PLEKHG3: variants seen among roughly 807,000 people sequenced by gnomAD.
PLEKHG3 encodes pleckstrin homology domain-containing family G member 3.
PLEKHG3 carries 62 observed loss-of-function variants against 94.9 expected under a neutral mutation model. The ratio of observed to expected loss-of-function variants is 0.65; its 90% CI spans 0.53 to 0.81. The LOEUF (loss-of-function observed/expected upper bound fraction) is 0.81. Ranked by LOEUF, PLEKHG3 falls within the 30% of genes least tolerant of loss-of-function variation. The probability of loss-of-function intolerance (pLI) is 0.00; values close to 1 mark genes in which losing one functional copy is unlikely to be tolerated. For missense variants in PLEKHG3, 1,461 were observed against 1,619.3 expected (o/e 0.90, Z 1.68); for synonymous variants, 614 against 654.0 (o/e 0.94, Z 0.93).
At position 64,727,523 on chromosome 14, in the gene PLEKHG3, G is replaced by GC; in HGVS notation, c.-39-69dup. On this transcript the variant is annotated intron_variant, in intron 1 of 16. Coordinates refer to ENST00000247226, the MANE Select transcript of PLEKHG3 (RefSeq NM_001308147.2). The surrounding 1 kb of genome is among the most constrained non-coding windows in gnomAD (Gnocchi z 6.0). ...CCCACCCCACCTGCCCCCACCCCTG[G>GC]CAACCGTCCCTCTGTTCTGTTTCTG... 7 of 587,668 alleles carry GC rather than the reference G, an allele frequency of 1.2e-5. No homozygotes were observed. Among genetic ancestry groups the GC allele is most frequent in the Admixed American group, 3.0e-5 (1 of 33,788 alleles). 36.4% of individuals were successfully genotyped at this position (587,668 alleles called of 1,614,324 possible).
chr14:64,731,230 G>A lies in PLEKHG3; in HGVS notation c.849+61G>A. ...GCTGGGTGGGCCAGGCTTCCGCTGG[G>A]AAGAGGGACTGTGGCCACCCTGCTG... On this transcript the variant is annotated intron_variant, in intron 7 of 16. Transcript: ENST00000247226. This position sits in a 1 kb window ranked among gnomAD's most constrained non-coding sequence, Gnocchi z 6.1. The A allele has an allele frequency of 5.2e-6, 8 of 1,525,032 alleles. No homozygotes were observed. Among genetic ancestry groups the A allele is most frequent in the Non-Finnish European group, 6.3e-6 (7 of 1,110,448 alleles). 94.5% of individuals were successfully genotyped at this position (1,525,032 alleles called of 1,614,324 possible).
rs990434436 is a variant in PLEKHG3 at position 64,733,027 on chromosome 14, G to T, written c.1345+126G>T. 4.7e-6 allele frequency: 3 copies of T among 635,978 alleles called. No individual in the cohort carries two copies. In the Admixed American group the frequency reaches 8.1e-5, roughly 17 times the overall value. 39.4% of individuals were successfully genotyped at this position (635,978 alleles called of 1,614,324 possible). A position where few individuals can be genotyped will look rare whatever the true frequency, so the allele number is the denominator to read the frequency against. ...CGGAAACCCTGGGAAAGGCTAGAGC[G>T]GGGCTGGACACACACCTGGGGCTCA... On this transcript the variant is annotated intron_variant, in intron 12 of 16. Coordinates refer to ENST00000247226, the MANE Select transcript of PLEKHG3 (RefSeq NM_001308147.2).
In PLEKHG3 at chr14:64,722,735, G is replaced by T. The variant is rs561535863; in HGVS notation, c.-39-4858G>T. ...ACCAGAATGTTTTCTGGGGAGTCTG[G>T]TGTGCCCACCAGAGGGTTCACCCCC... is the stretch of plus-strand genomic sequence containing the variant. On this transcript the variant is annotated intron_variant, in intron 1 of 16. Transcript: ENST00000247226. This position sits in a 1 kb window ranked among gnomAD's most constrained non-coding sequence, Gnocchi z 4.3. Among the ~76,000 whole-genome samples the T allele has an allele frequency of 6.6e-6, 1 of 152,266 alleles. No homozygotes were observed. Among genetic ancestry groups the T allele is most frequent in the African/African-American group, 2.4e-5 (1 of 41,540 alleles).
chr14:64,737,596 C>G (rs1047011831), intron 14 of PLEKHG3, among the ~76,000 whole-genome samples: 1 of 152,248 alleles, frequency 6.6e-6, no homozygotes, highest in South Asian at 2.1e-4. Context: ...CAGCACCCTG[C>G]TGGGGGCCTG....
rs910470085 is a variant in PLEKHG3, at chr14:64,741,473, C to T, written c.1956C>T (p.Ala652=). Residue 652 remains alanine (A), a synonymous_variant, in exon 16 of 17, where the codon GCC becomes GCT. Transcript: ENST00000247226. ...LSLEGSEKGL[A]RHGSATDSLS... is the part of the protein sequence containing the mutation. Reference sequence around the variant, plus strand: ...TGGAGGGCAGCGAGAAGGGCCTGGCCCGGCATGGCAGTGCCACAGACTCCC... The same window carrying T: ...TGGAGGGCAGCGAGAAGGGCCTGGCTCGGCATGGCAGTGCCACAGACTCCC... 3.7e-6 allele frequency: 6 copies of T among 1,612,582 alleles called. No individual in the cohort carries two copies. In the African/African-American group the frequency reaches 6.7e-5, roughly 18 times the overall value.
Position 64,730,727 on chromosome 14 carries a change from G to T in PLEKHG3, c.566+39G>T, listed in dbSNP as rs2081441347. On this transcript the variant is annotated intron_variant, in intron 5 of 16. Coordinates refer to ENST00000247226, the MANE Select transcript of PLEKHG3 (RefSeq NM_001308147.2). The surrounding 1 kb of genome is among the most constrained non-coding windows in gnomAD (Gnocchi z 5.4). ...GTGAGAGGGAAGGCAGAGCCATTTG[G>T]TGAGTCCAGAGCCCCCCACTTCCTC... The T allele has an allele frequency of 6.2e-7, 1 of 1,612,662 alleles. No homozygotes were observed. The highest frequency in any genetic ancestry group is 8.5e-7 in the Non-Finnish European group (1 of 1,178,674).
Position 64,723,265 on chromosome 14 carries a change from C to T in PLEKHG3, c.-39-4328C>T, listed in dbSNP as rs2081295933. ...TTAAAGGTGTATGTCTGAGCTGCTG[C>T]TTAGGCCCATCAAAAAGAAAGCCTG... On this transcript the variant is annotated intron_variant, in intron 1 of 16. Transcript: ENST00000247226. The surrounding 1 kb of genome is among the most constrained non-coding windows in gnomAD (Gnocchi z 4.5). Among the ~76,000 whole-genome samples, 1 of 152,152 alleles carries T rather than the reference C, an allele frequency of 6.6e-6. No individual in the cohort carries two copies. Among genetic ancestry groups the T allele is most frequent in the Admixed American group, 6.5e-5 (1 of 15,288 alleles).
chr14:64,734,044 G>A (rs2081524784), intron 12 of PLEKHG3, among the ~76,000 whole-genome samples: 1 of 152,196 alleles, frequency 6.6e-6, no homozygotes, highest in South Asian at 2.1e-4. Context: ...GTTTTGATTG[G>A]TGATGACCTG....
rs2081883611 is a variant in PLEKHG3 at position 64,748,447 on chromosome 14, GCACCTGTCACT to G, written c.*4746_*4756del. ...GGAGAGCCTTAGGCAGTGTTGTGACGCACCTGTCACTCCTTCAGATCAGAGCCCTGTGCCCT... is the reference window on the plus strand; with the variant it reads ...GGAGAGCCTTAGGCAGTGTTGTGACGCCTTCAGATCAGAGCCCTGTGCCCT... On this transcript the variant is annotated 3_prime_UTR_variant, in exon 17 of 17. Coordinates refer to ENST00000247226, the MANE Select transcript of PLEKHG3 (RefSeq NM_001308147.2). The G allele has an allele frequency of 6.6e-6, 1 of 152,148 alleles. No individual in the cohort carries two copies. The highest frequency in any genetic ancestry group is 1.5e-5 in the Non-Finnish European group (1 of 68,066). 9.4% of individuals were successfully genotyped at this position (152,148 alleles called of 1,614,324 possible).
At chr14:64,707,622 G>T (rs904991191) in intron 1 of PLEKHG3, among the ~76,000 whole-genome samples, 1 of 152,242 alleles carries the variant, frequency 6.6e-6, no homozygotes, top group Admixed American at 6.5e-5. Flanking sequence ...CATGGAAGGG[G>T]TGAGGTGACA....
rs1412836306 is a variant in PLEKHG3, at chr14:64,736,856, C to T, written c.1349C>T (p.Pro450Leu). The T allele has an allele frequency of 2.5e-6, 4 of 1,612,870 alleles. No homozygotes were observed. Among genetic ancestry groups the T allele is most frequent in the Non-Finnish European group, 3.4e-6 (4 of 1,178,960 alleles). The change falls in exon 13 of 17, where the codon CCA becomes CTA. Residue 450 changes from proline to leucine, a missense_variant. By Grantham distance (98) the Pro-to-Leu change is moderately conservative. Around this residue, in one of 3 missense-constraint regions of PLEKHG3, gnomAD observed 1,201 missense variants for 1,295.5 expected, o/e 0.93. Coordinates refer to ENST00000247226, the MANE Select transcript of PLEKHG3 (RefSeq NM_001308147.2). Reference protein sequence around the residue: ...NVRQGRRQSEPTKHLLRQLNE... With the variant: ...NVRQGRRQSELTKHLLRQLNE... ...CTGCTCATGCTTTCCTCCTCAGAGC[C>T]AACCAAACACCTGCTCAGGCAACTC...
Position 64,741,896 on chromosome 14 carries a change from C to G in PLEKHG3, c.2379C>G (p.Ser793Arg). 6.2e-7 allele frequency: 1 copy of G among 1,604,894 alleles called. No individual in the cohort carries two copies. The highest frequency in any genetic ancestry group is 1.1e-5 in the South Asian group (1 of 89,792). The change falls in exon 16 of 17, where the codon AGC becomes AGG. Residue 793 changes from serine (S) to arginine (R), a missense_variant. Around this residue, in one of 3 missense-constraint regions of PLEKHG3, gnomAD observed 1,201 missense variants for 1,295.5 expected, o/e 0.93. Transcript: ENST00000247226. The stretch of plus-strand genomic sequence containing the variant: ...CCCTGTTTGAGCTCCCAGGACCAAG[C>G]CAGGCAGTCAAAGGGGACCCACCTC... ...SWALFELPGPSQAVKGDPPPI... is the reference protein window; with the variant it reads ...SWALFELPGPRQAVKGDPPPI...
In PLEKHG3 at chr14:64,741,192, G is replaced by A. The variant is rs1244039330; in HGVS notation, c.1675G>A (p.Asp559Asn). ...QGLLGMDPPG[D>N]MVDFVAAEST... ...CCTTCTGGGGATGGACCCCCCAGGT[G>A]ACATGGTGGACTTCGTGGCAGCTGA... Residue 559 changes from aspartate (D) to asparagine (N), a missense_variant, in exon 16 of 17, where the codon GAC (aspartate) becomes AAC (asparagine). By Grantham distance (23) the Asp-to-Asn change is conservative. Coordinates refer to ENST00000247226, the MANE Select transcript of PLEKHG3 (RefSeq NM_001308147.2). The A allele has an allele frequency of 6.2e-7, 1 of 1,614,114 alleles. No individual in the cohort carries two copies. The highest frequency in any genetic ancestry group is 8.5e-7 in the Non-Finnish European group (1 of 1,180,008).
chr14:64,714,927 G>A (rs2081115549), intron 1 of PLEKHG3, among the ~76,000 whole-genome samples: 1 of 152,166 alleles, frequency 6.6e-6, no homozygotes, highest in Non-Finnish European at 1.5e-5. Flanking sequence ...AACACTGGAA[G>A]ACCTGGTTCT....
At position 64,749,169 on chromosome 14, in the gene PLEKHG3, C is replaced by T; in HGVS notation, c.*5466C>T. 2 of 1,052,132 alleles carry T rather than the reference C, an allele frequency of 1.9e-6. No homozygotes were observed. The highest frequency in any genetic ancestry group is 1.6e-5 in the African/African-American group (1 of 62,108). 65.2% of individuals were successfully genotyped at this position (1,052,132 alleles called of 1,614,324 possible). On this transcript the variant is annotated 3_prime_UTR_variant, in exon 17 of 17. Coordinates refer to ENST00000247226, the MANE Select transcript of PLEKHG3 (RefSeq NM_001308147.2). The surrounding 1 kb of genome is among the most constrained non-coding windows in gnomAD (Gnocchi z 4.7). ...GCGGGCGAAGGCAGCTTTTGCAGTG[C>T]AGCGTGGGGCCCGGGGGCCCGGCCC... is the stretch of plus-strand genomic sequence containing the variant.
At position 64,747,941 on chromosome 14, in the gene PLEKHG3, C is replaced by T. The variant is rs574139819; in HGVS notation, c.*4238C>T. The T allele has an allele frequency of 1.3e-5, 2 of 152,286 alleles. No individual in the cohort carries two copies. The highest frequency in any genetic ancestry group is 4.8e-5 in the African/African-American group (2 of 41,500). 9.4% of individuals were successfully genotyped at this position (152,286 alleles called of 1,614,324 possible). ...CTTTCTCTTCCTCCAGAAGTATGAC[C>T]TGAGCAGCAAGGGGAAGGCCATTCC... On this transcript the variant is annotated 3_prime_UTR_variant, in exon 17 of 17. Transcript: ENST00000247226.
intron 1 of PLEKHG3, among the ~76,000 whole-genome samples, chr14:64,710,835 G>A (rs894273424): frequency 1.3e-5 from 2 of 151,886 alleles, no homozygotes; most frequent in East Asian, 1.9e-4. Flanking sequence ...TTGGAGGGAG[G>A]GGGTGTGGAG....
At position 64,741,475 on chromosome 14, in the gene PLEKHG3, G is replaced by A. The variant is rs377488568; in HGVS notation, c.1958G>A (p.Arg653Gln). 3.1e-5 allele frequency: 50 copies of A among 1,612,748 alleles called. No individual in the cohort carries two copies. Among genetic ancestry groups the A allele is most frequent in the African/African-American group, 1.7e-4 (13 of 75,056 alleles). Residue 653 changes from arginine (R) to glutamine (Q), a missense_variant, in exon 16 of 17, where the codon CGG becomes CAG. Arg to Gln is a conservative substitution (Grantham distance 43, BLOSUM62 1). Transcript: ENST00000247226. ...SLEGSEKGLA[R>Q]HGSATDSLSC... Reference sequence around the variant, plus strand: ...GAGGGCAGCGAGAAGGGCCTGGCCCGGCATGGCAGTGCCACAGACTCCCTC... The same window carrying A: ...GAGGGCAGCGAGAAGGGCCTGGCCCAGCATGGCAGTGCCACAGACTCCCTC...
rs1191896700 is a variant in PLEKHG3 at position 64,716,449 on chromosome 14, C to CAG, written c.-39-11143_-39-11142insGA. Among the ~76,000 whole-genome samples, 1 of 135,516 alleles carries CAG rather than the reference C, an allele frequency of 7.4e-6. No homozygotes were observed. The highest frequency in any genetic ancestry group is 1.6e-5 in the Non-Finnish European group (1 of 63,046). The allele number at this position is 135,516 out of a possible 152,430, so 88.9% of individuals were successfully genotyped here. A position where few individuals can be genotyped will look rare whatever the true frequency, so the allele number is the denominator to read the frequency against. On this transcript the variant is annotated intron_variant, in intron 1 of 16. Coordinates refer to ENST00000247226, the MANE Select transcript of PLEKHG3 (RefSeq NM_001308147.2). The surrounding 1 kb of genome is among the most constrained non-coding windows in gnomAD (Gnocchi z 5.0). ...ATGTAGGGCCCTACACACACACACA[C>CAG]ACACACACACACACACAACACACAC...
Sources: gnomAD v4.1 joint callset for allele counts (sites outside exome capture counted in the v4.1 genomes callset) on GRCh38, gnomAD v4.1.1 for gene constraint, gnomAD v4.1.1 regional missense constraint, Gnocchi (gnomAD v3.1) non-coding constraint, MANE v1.5 for transcripts, NCBI Gene and HGNC (gene_info 2026-07-23, HGNC 2026-07-21) for gene names.